The following DEUP1 variants were observed in gnomAD, a reference collection of about 807,000 sequenced individuals.
The protein encoded by DEUP1 is deuterosome assembly protein 1, also known as coiled-coil domain containing 67.
DEUP1 carries 82 observed loss-of-function variants against 87.4 expected under a neutral mutation model. The observed-to-expected ratio is 0.94, with a 90% CI of 0.78 to 1.13. The LOEUF (loss-of-function observed/expected upper bound fraction) is 1.13. Ranked by LOEUF, DEUP1 falls within the 50% of genes most tolerant of loss-of-function variation. DEUP1 has a pLI of 0.00. For missense variants in DEUP1, 663 were observed against 681.5 expected (o/e 0.97, Z 0.30); for synonymous variants, 214 against 222.7 (o/e 0.96, Z 0.35).
intron 9 of DEUP1, among the ~76,000 whole-genome samples, chr11:93,392,762 C>T (rs1398131836): frequency 6.6e-6 from 1 of 152,058 alleles, no homozygotes; most frequent in Admixed American, 6.5e-5. Context: ...AAAAAGTGCC[C>T]TGGAGAAAAT....
intron 8 of DEUP1, among the ~76,000 whole-genome samples, chr11:93,387,233 T>A (rs903935202): frequency 7.9e-5 from 12 of 152,168 alleles, no homozygotes; most frequent in African/African-American, 2.4e-4. Context: ...GAGTCTAATT[T>A]TTTTAGTTTG....
intron 13 of DEUP1, among the ~76,000 whole-genome samples, chr11:93,435,396 T>C (rs72974245): frequency 2.6e-5 from 4 of 152,322 alleles, no homozygotes; most frequent in Non-Finnish European, 5.9e-5. Context: ...AGACAAAGGC[T>C]GGATCAAATC....
chr11:93,359,412 G>T (rs1490510010), intron 4 of DEUP1, among the ~76,000 whole-genome samples: 4 of 152,010 alleles, frequency 2.6e-5, no homozygotes, highest in Non-Finnish European at 2.9e-5. Context: ...TGAGGCTTTT[G>T]CTTGTGGAAT....
intron 2 of DEUP1, among the ~76,000 whole-genome samples, chr11:93,345,398 G>A (rs914650718): frequency 1.3e-5 from 2 of 152,122 alleles, no homozygotes; most frequent in African/African-American, 4.8e-5. Context: ...TGAGTTGAAT[G>A]GTATTTCTGT....
At chr11:93,385,897 T>A (rs1017499467) in intron 8 of DEUP1, among the ~76,000 whole-genome samples, 14 of 151,886 alleles carry the variant, frequency 9.2e-5, no homozygotes, top group South Asian at 4.2e-4. Flanking sequence ...TTCAAAAAAA[T>A]TTTTTATTAC....
At chr11:93,367,811 T>C (rs989224369) in intron 5 of DEUP1, among the ~76,000 whole-genome samples, 4 of 152,212 alleles carry the variant, frequency 2.6e-5, no homozygotes, top group Non-Finnish European at 5.9e-5. Context: ...CATGTTGTTT[T>C]CTTTACAACA....
intron 2 of DEUP1, among the ~76,000 whole-genome samples, chr11:93,344,227 C>A (rs537601671): frequency 6.6e-6 from 1 of 151,782 alleles, no homozygotes; most frequent in Admixed American, 6.6e-5. Flanking sequence ...GGGGTTCTCC[C>A]CATTTGACCT....
At chr11:93,364,391 TGTG>T (rs1274095235) in intron 5 of DEUP1, 97 bp downstream of exon 5, 2 of 1,100,032 alleles carry the variant, frequency 1.8e-6, no homozygotes, top group Non-Finnish European at 1.4e-6. Flanking sequence ...TGTCTTCAGT[TGTG>T]GTAATAAACA....
At chr11:93,333,884 G>A (rs1350014825) in intron 2 of DEUP1, among the ~76,000 whole-genome samples, 1 of 152,152 alleles carries the variant, frequency 6.6e-6, no homozygotes, top group Non-Finnish European at 1.5e-5. Context: ...TGGGTCCCTG[G>A]TGTGATGATA....
intron 7 of DEUP1, among the ~76,000 whole-genome samples, chr11:93,371,613 C>A (rs1008486021): frequency 3.9e-5 from 6 of 152,122 alleles, no homozygotes; most frequent in Admixed American, 6.6e-5. Context: ...TTCTTTGACT[C>A]AGAAGAATCC....
At chr11:93,388,943 T>C in intron 8 of DEUP1, 77 bp from the exon 9 acceptor site, 1 of 831,296 alleles carries the variant, frequency 1.2e-6, no homozygotes, top group Non-Finnish European at 1.9e-6. Context: ...CCTGTAATGG[T>C]CTAAATTAAC....
At position 93,415,095 on chromosome 11, in the gene DEUP1, A is replaced by C. The variant is rs757283144; in HGVS notation, c.1619A>C (p.Asp540Ala). The change falls in exon 13 of 14, where the codon GAT becomes GCT. Residue 540 changes from aspartate (D) to alanine (A), a missense_variant. Transcript: ENST00000298050. Reference sequence around the variant, plus strand: ...GAAATGACAAGTCCTTTGGTTAGTGATGATGATGTATTCCCACTGGTGAGT... The same window carrying C: ...GAAATGACAAGTCCTTTGGTTAGTGCTGATGATGTATTCCCACTGGTGAGT... ...AKEMTSPLVS[D>A]DDVFPLSPPD... is the part of the protein sequence containing the mutation. 6.2e-7 allele frequency: 1 copy of C among 1,609,272 alleles called. No homozygotes were observed. Among genetic ancestry groups the C allele is most frequent in the Non-Finnish European group, 8.5e-7 (1 of 1,177,234 alleles).
intron 7 of DEUP1, among the ~76,000 whole-genome samples, chr11:93,381,664 A>G (rs909999321): frequency 1.3e-5 from 2 of 152,190 alleles, no homozygotes; most frequent in Non-Finnish European, 2.9e-5. Context: ...TATCTATGAC[A>G]GAAAAGCTAA....
chr11:93,431,095 C>CAAAAAA (rs10534401), intron 13 of DEUP1, among the ~76,000 whole-genome samples: 7 of 112,598 alleles, frequency 6.2e-5, no homozygotes, highest in Non-Finnish European at 8.9e-5. Flanking sequence ...AACACTGTCT[C>CAAAAAA]AAAAAAAAAA....
intron 2 of DEUP1, among the ~76,000 whole-genome samples, chr11:93,344,923 T>C (rs1269480297): frequency 6.6e-6 from 1 of 151,918 alleles, no homozygotes; most frequent in East Asian, 1.9e-4. Flanking sequence ...ACTTGTGTCA[T>C]GGGGGTTTGT....
At chr11:93,343,735 A>G (rs1944190606) in intron 2 of DEUP1, among the ~76,000 whole-genome samples, 1 of 152,246 alleles carries the variant, frequency 6.6e-6, no homozygotes, top group Non-Finnish European at 1.5e-5. Context: ...TGATAAAACA[A>G]TTGGTAGGGA....
intron 8 of DEUP1, among the ~76,000 whole-genome samples, chr11:93,386,745 T>C (rs949780392): frequency 6.6e-6 from 1 of 152,218 alleles, no homozygotes; most frequent in Admixed American, 6.5e-5. Context: ...GTATACAAGA[T>C]GTATACTATC....
intron 9 of DEUP1, among the ~76,000 whole-genome samples, chr11:93,393,425 GC>G (rs2134359485): frequency 6.6e-6 from 1 of 151,756 alleles, no homozygotes; most frequent in East Asian, 1.9e-4. Context: ...TGCAACCTCT[GC>G]CCCCTGGGTT....
chr11:93,357,268 G>T, intron 4 of DEUP1: 1 of 323,708 alleles, frequency 3.1e-6, no homozygotes, highest in Admixed American at 4.8e-5. Context: ...GTAGACAAAT[G>T]GCTTTCTATT....
Sources: allele counts gnomAD v4.1 joint callset (sites outside exome capture counted in the v4.1 genomes callset), GRCh38; gene constraint gnomAD v4.1.1; transcripts MANE v1.5; gene names NCBI Gene and HGNC (gene_info 2026-07-23, HGNC 2026-07-21).